Variants in SYT10 observed in about 807,000 individuals in gnomAD.
SYT10 encodes the protein synaptotagmin 10.
Under a neutral mutation model 51.1 loss-of-function variants are expected in SYT10, and 31 were observed. The ratio of observed to expected loss-of-function variants is 0.61; its 90% CI spans 0.46 to 0.82. The LOEUF is 0.82. Among genes scored for constraint, SYT10 ranks in the 40% least tolerant of loss-of-function variants. The probability of loss-of-function intolerance (pLI) is 0.00; values close to 1 mark genes in which losing one functional copy is unlikely to be tolerated. For synonymous variants in SYT10, 233 were observed against 225.9 expected (o/e 1.03, Z -0.28); for missense variants, 603 against 634.0 (o/e 0.95, Z 0.53).
intron 1 of SYT10, 98 bp from the exon 2 acceptor site, chr12:33,426,593 A>G (rs1591997511): frequency 9.1e-7 from 1 of 1,102,484 alleles, no homozygotes; most frequent in Middle Eastern, 2.6e-4. Flanking sequence ...TTATTTCCTG[A>G]TTCAGAATTT....
intron 1 of SYT10, among the ~76,000 whole-genome samples, chr12:33,438,931 A>C (rs77813933): frequency 0.099 from 15,119 of 152,274 alleles, 2,138 homozygotes; most frequent in East Asian, 0.64. Context: ...GGCCCCCATC[A>C]ACAAGGCCGG....
rs79437619 is a variant in SYT10 at position 33,398,983 on chromosome 12, G to A, written c.1077+7806C>T. ...TTCAGTGCTTCATTAAGCACTTACA[G>A]GCTACATTGCCTCTAACTACAGACA... On this transcript the variant is annotated intron_variant, in intron 3 of 6. Transcript: ENST00000228567. Among the ~76,000 whole-genome samples, 733 of 152,296 alleles carry A rather than the reference G, an allele frequency of 4.8e-3. 8 individuals are homozygous for A. Among genetic ancestry groups the A allele is most frequent in the African/African-American group, 0.017 (687 of 41,564 alleles).
At chr12:33,407,420 G>A (rs765904818) in intron 2 of SYT10, 64 bp from the exon 3 acceptor site, 264 of 1,536,030 alleles carry the variant, frequency 1.7e-4, no homozygotes, top group Non-Finnish European at 2.0e-4. Context: ...ATGTTATACA[G>A]TGACATATAA....
In SYT10 at chr12:33,406,963, T is replaced by C. The variant is rs756761234; in HGVS notation, c.903A>G (p.Gln301=). The C allele has an allele frequency of 1.2e-5, 20 of 1,613,982 alleles. No homozygotes were observed. The highest frequency in any genetic ancestry group is 4.4e-5 in the South Asian group (4 of 91,086). ...TTAGTTGATCATATGCTACAGGAAA[T>C]TGAAAAGTTTCATCAAATAGAGGAT... ...TLNPLFDETF[Q]FPVAYDQLSN... The change falls in exon 3 of 7, where the codon CAA becomes CAG. Residue 301 remains glutamine (Q), a synonymous_variant. Coordinates refer to ENST00000228567, the MANE Select transcript of SYT10 (RefSeq NM_198992.4).
Position 33,385,208 on chromosome 12 carries a change from G to A in SYT10, c.1161C>T (p.Cys387=), listed in dbSNP as rs761153776. ...AGRMTLTVIK[C]RNLKAMDITG... Reference sequence around the variant, plus strand: ...TAATATCCATCGCCTTCAGATTTCTGCACTTAATGACTGTCAATGTCATAC... The same window carrying A: ...TAATATCCATCGCCTTCAGATTTCTACACTTAATGACTGTCAATGTCATAC... Residue 387 remains cysteine (C), a synonymous_variant, in exon 4 of 7, where the codon TGC becomes TGT. Coordinates refer to ENST00000228567, the MANE Select transcript of SYT10 (RefSeq NM_198992.4). 3.1e-6 allele frequency: 5 copies of A among 1,613,620 alleles called. No individual in the cohort carries two copies. Among genetic ancestry groups the A allele is most frequent in the African/African-American group, 1.3e-5 (1 of 74,958 alleles).
rs760709239 is a variant in SYT10 at position 33,376,604 on chromosome 12, G to A, written c.*226C>T. ...CTTTGTGCTAACAGGCATTTGATACGAAGGATAAAATGCCTTATGCAACTA... is the reference window on the plus strand; with the variant it reads ...CTTTGTGCTAACAGGCATTTGATACAAAGGATAAAATGCCTTATGCAACTA... On this transcript the variant is annotated 3_prime_UTR_variant, in exon 7 of 7. Coordinates refer to ENST00000228567, the MANE Select transcript of SYT10 (RefSeq NM_198992.4). 21 of 522,398 alleles carry A rather than the reference G, an allele frequency of 4.0e-5. No homozygotes were observed. Among genetic ancestry groups the A allele is most frequent in the Non-Finnish European group, 5.8e-5 (17 of 292,920 alleles). The allele number at this position is 522,398 out of a possible 1,614,324, so 32.4% of individuals were successfully genotyped here. A position where few individuals can be genotyped will look rare whatever the true frequency, so the allele number is the denominator to read the frequency against.
At chr12:33,391,279 T>G (rs980861551) in intron 3 of SYT10, among the ~76,000 whole-genome samples, 4 of 152,138 alleles carry the variant, frequency 2.6e-5, no homozygotes, top group African/African-American at 9.7e-5. Flanking sequence ...TTTGTAAATG[T>G]TTTCTAGAGA....
intron 3 of SYT10, among the ~76,000 whole-genome samples, chr12:33,387,360 C>T (rs562644095): frequency 1.1e-4 from 17 of 152,190 alleles, no homozygotes; most frequent in Middle Eastern, 3.4e-3. Context: ...TTGAGAATAA[C>T]GCTCACTTCA....
At chr12:33,432,440 C>T (rs1304124569) in intron 1 of SYT10, 2 of 152,068 alleles carry the variant, frequency 1.3e-5, no homozygotes, top group African/African-American at 2.4e-5. Flanking sequence ...GCATCACATA[C>T]ATTTAATTAA....
At chr12:33,431,076 T>C (rs1172703813) in intron 1 of SYT10, among the ~76,000 whole-genome samples, 1 of 152,160 alleles carries the variant, frequency 6.6e-6, no homozygotes, top group African/African-American at 2.4e-5. Context: ...TGCTCTACTA[T>C]TCAAAGGTCT....
intron 6 of SYT10, 48 bp downstream of exon 6, chr12:33,379,784 G>T (rs1866097760): frequency 6.2e-7 from 1 of 1,604,538 alleles, no homozygotes; most frequent in African/African-American, 1.3e-5. Context: ...TAATATTTAA[G>T]CAAAAGAGAC....
At chr12:33,427,967 T>A (rs1866566386) in intron 1 of SYT10, among the ~76,000 whole-genome samples, 1 of 152,170 alleles carries the variant, frequency 6.6e-6, no homozygotes, top group Admixed American at 6.5e-5. Flanking sequence ...AAATATGCAT[T>A]TCAGAACTAA....
chr12:33,405,130 T>C (rs1866341924), intron 3 of SYT10: 1 of 152,164 alleles, frequency 6.6e-6, no homozygotes, highest in African/African-American at 2.4e-5. Flanking sequence ...TACTTTTTTA[T>C]AGAAATGTGT....
rs573975321 is a variant in SYT10 at position 33,408,471 on chromosome 12, A to C, written c.510-1115T>G. On this transcript the variant is annotated intron_variant, in intron 2 of 6. Coordinates refer to ENST00000228567, the MANE Select transcript of SYT10 (RefSeq NM_198992.4). ...ATATAAGCTTACTAATGTCTTCTAC[A>C]TGTGACTTGCATTAAAGATCTGCTG... 1.1e-4 allele frequency among the ~76,000 whole-genome samples: 16 copies of C among 152,322 alleles called. No homozygotes were observed. The East Asian group carries it at 2.9e-3, about 28-fold the overall frequency.
intron 2 of SYT10, among the ~76,000 whole-genome samples, chr12:33,412,587 A>T (rs552732792): frequency 4.6e-5 from 7 of 152,186 alleles, no homozygotes; most frequent in African/African-American, 1.2e-4. Flanking sequence ...AATGGTAAAA[A>T]CCGCAATTAC....
chr12:33,434,228 G>A (rs564667363), intron 1 of SYT10, among the ~76,000 whole-genome samples: 115 of 152,120 alleles, frequency 7.6e-4, no homozygotes, highest in Non-Finnish European at 1.6e-3. Flanking sequence ...GAAAATCAAT[G>A]GATACCTATA....
chr12:33,420,418 G>A (rs1866492108), intron 2 of SYT10, among the ~76,000 whole-genome samples: 1 of 152,022 alleles, frequency 6.6e-6, no homozygotes, highest in African/African-American at 2.4e-5. Flanking sequence ...AGGCTGAGGT[G>A]AGAGGATTGC....
At chr12:33,395,930 C>G (rs552358451) in intron 3 of SYT10, among the ~76,000 whole-genome samples, 2 of 152,052 alleles carry the variant, frequency 1.3e-5, no homozygotes, top group Admixed American at 6.6e-5. Context: ...TCATTCAGGG[C>G]GAACAGCTGA....
chr12:33,382,689 G>A (rs1003234182), intron 4 of SYT10, among the ~76,000 whole-genome samples, 169 bp from the exon 5 acceptor site: 1 of 152,080 alleles, frequency 6.6e-6, no homozygotes, highest in Non-Finnish European at 1.5e-5. Context: ...TTGTAGTAAG[G>A]TTAGTTTCTT....
Sources: gnomAD v4.1 joint callset for allele counts (sites outside exome capture counted in the v4.1 genomes callset) on GRCh38, gnomAD v4.1.1 for gene constraint, MANE v1.5 for transcripts, NCBI Gene and HGNC (gene_info 2026-07-23, HGNC 2026-07-21) for gene names.